Variants in TNKS2 observed in about 807,000 individuals in gnomAD.
The protein encoded by TNKS2 is poly [ADP-ribose] polymerase tankyrase-2.
Under a neutral mutation model 137.6 loss-of-function variants are expected in TNKS2, and 72 were observed. That is an observed-to-expected ratio of 0.52 (90% CI 0.43 to 0.64). The LOEUF is 0.64. Among genes scored for constraint, TNKS2 ranks in the 30% least tolerant of loss-of-function variants. The probability of loss-of-function intolerance (pLI) is 0.00; values close to 1 mark genes in which losing one functional copy is unlikely to be tolerated. For synonymous variants in TNKS2, 516 were observed against 512.1 expected, an observed-to-expected ratio of 1.01 and a Z score of -0.10; for missense variants, 1,049 against 1,410.2, an observed-to-expected ratio of 0.74 and a Z score of 4.10.
intron 1 of TNKS2, chr10:91,807,096 A>T (rs1224708848): frequency 2.7e-5 from 40 of 1,457,838 alleles, no homozygotes; most frequent in Non-Finnish European, 3.7e-5. Flanking sequence ...TAGTTACATA[A>T]AGTACTTTCT....
Position 91,833,816 on chromosome 10 carries a change from A to C in TNKS2, c.1276-37A>C, listed in dbSNP as rs200929816. 3.3e-6 allele frequency: 5 copies of C among 1,508,760 alleles called. No individual in the cohort carries two copies. In the Admixed American group the frequency reaches 1.1e-4, roughly 33 times the overall value. The allele number at this position is 1,508,760 out of a possible 1,614,324, so 93.5% of individuals were successfully genotyped here. A position where few individuals can be genotyped will look rare whatever the true frequency, so the allele number is the denominator to read the frequency against. ...ATGATTGTATGGTTTTAAATTTTGC[A>C]TTGCGGGCTAATTTCAATTTTTTCT... On this transcript the variant is annotated intron_variant, in intron 11 of 26. Coordinates refer to ENST00000371627, the MANE Select transcript of TNKS2 (RefSeq NM_025235.4).
At chr10:91,849,428 C>A (rs1842477605) in intron 19 of TNKS2, 84 bp from the exon 20 acceptor site, 2 of 1,019,150 alleles carry the variant, frequency 2.0e-6, no homozygotes, top group East Asian at 5.2e-5. Flanking sequence ...TATATAGTAA[C>A]ATTACAAGAC....
At chr10:91,813,274 C>G in intron 2 of TNKS2, 67 bp downstream of exon 2, 2 of 1,267,650 alleles carry the variant, frequency 1.6e-6, no homozygotes, top group Non-Finnish European at 2.2e-6. Context: ...CTGAATTAAT[C>G]TGTTCATATC....
chr10:91,833,316 T>C (rs1234861072), intron 11 of TNKS2, among the ~76,000 whole-genome samples: 2 of 152,214 alleles, frequency 1.3e-5, no homozygotes. Flanking sequence ...TCCCACATTG[T>C]ATAATGTTTT....
chr10:91,842,545 A>C (rs535808729), intron 16 of TNKS2, among the ~76,000 whole-genome samples, 154 bp downstream of exon 16: 1 of 152,288 alleles, frequency 6.6e-6, no homozygotes, highest in East Asian at 1.9e-4. Flanking sequence ...AGGCTAAGGC[A>C]GGAGGATTGC....
At chr10:91,820,640 T>C (rs1844856879) in intron 6 of TNKS2, among the ~76,000 whole-genome samples, 1 of 152,198 alleles carries the variant, frequency 6.6e-6, no homozygotes, top group African/African-American at 2.4e-5. Context: ...CACCCTGTGA[T>C]CTGAAACAAA....
Position 91,810,915 on chromosome 10 carries a change from CTTTTCTTTTTT to C in TNKS2, c.200-2063_200-2053del, listed in dbSNP as rs1380103252. On this transcript the variant is annotated intron_variant, in intron 1 of 26. Coordinates refer to ENST00000371627, the MANE Select transcript of TNKS2 (RefSeq NM_025235.4). ...CTTTTTTCTTTTCTTTCTCTCTTTT[CTTTTCTTTTTT>C]TTTTTTTTTTTTTTTTTGAGATGGA... Among the ~76,000 whole-genome samples the C allele has an allele frequency of 5.1e-4, 39 of 76,710 alleles. 1 individual carries two copies. In the East Asian group the frequency reaches 0.018, roughly 36 times the overall value. The allele number at this position is 76,710 out of a possible 152,430, so 50.3% of individuals were successfully genotyped here.
chr10:91,814,022 T>C (rs1417839193), intron 2 of TNKS2, among the ~76,000 whole-genome samples: 1 of 152,070 alleles, frequency 6.6e-6, no homozygotes. Flanking sequence ...GATTTTAGAG[T>C]ATACTCAGCA....
chr10:91,819,290 C>A lies in TNKS2; in HGVS notation c.541C>A (p.Leu181Ile). The change falls in exon 4 of 27, where the codon CTC (leucine) becomes ATC (isoleucine). Residue 181 changes from leucine to isoleucine, a missense_variant. Physicochemically the swap from Leu to Ile is conservative, Grantham distance 5 (BLOSUM62 2). Coordinates refer to ENST00000371627, the MANE Select transcript of TNKS2 (RefSeq NM_025235.4). The stretch of plus-strand genomic sequence containing the variant: ...CACAGGTGAATATAAGAAAGATGAA[C>A]TCTTAGAAAGTGCCAGGTACGTACT... ...VLTGEYKKDE[L>I]LESARSGNEE... 2.1e-6 allele frequency: 3 copies of A among 1,438,372 alleles called. No individual in the cohort carries two copies. The highest frequency in any genetic ancestry group is 1.8e-6 in the Non-Finnish European group (2 of 1,085,114). 89.1% of individuals were successfully genotyped at this position (1,438,372 alleles called of 1,614,324 possible). A position where few individuals can be genotyped will look rare whatever the true frequency, so the allele number is the denominator to read the frequency against.
chr10:91,801,583 C>G (rs891219073), intron 1 of TNKS2, among the ~76,000 whole-genome samples: 1 of 152,056 alleles, frequency 6.6e-6, no homozygotes, highest in African/African-American at 2.4e-5. Flanking sequence ...GACCGATTCT[C>G]CTGTCTCAGC....
At chr10:91,842,126 ACATT>A in intron 15 of TNKS2, 42 bp from the exon 16 acceptor site, 1 of 1,379,282 alleles carries the variant, frequency 7.3e-7, no homozygotes, top group South Asian at 1.2e-5. Flanking sequence ...GACCAAAGGC[ACATT>A]TAAGCCATTT....
chr10:91,856,111 T>A (rs958232578), intron 23 of TNKS2, among the ~76,000 whole-genome samples: 3 of 152,168 alleles, frequency 2.0e-5, no homozygotes, highest in Admixed American at 1.3e-4. Context: ...ATTATCTTTT[T>A]ATAAACTTTA....
chr10:91,860,075 C>T (rs1842814295), intron 25 of TNKS2, among the ~76,000 whole-genome samples: 1 of 152,096 alleles, frequency 6.6e-6, no homozygotes, highest in African/African-American at 2.4e-5. Context: ...GATCCTAATC[C>T]TCAATTTGCA....
At chr10:91,814,158 G>T (rs1844597104) in intron 2 of TNKS2, among the ~76,000 whole-genome samples, 1 of 152,106 alleles carries the variant, frequency 6.6e-6, no homozygotes, top group African/African-American at 2.4e-5. Context: ...CCTTCCAGTG[G>T]GAGAAGATAT....
At chr10:91,861,332 A>G (rs2133687357) in intron 25 of TNKS2, among the ~76,000 whole-genome samples, 1 of 152,362 alleles carries the variant, frequency 6.6e-6, no homozygotes, top group African/African-American at 2.4e-5. Context: ...CATAATGAAC[A>G]TAAAATGAGA....
At chr10:91,840,435 T>C (rs1842176030) in intron 13 of TNKS2, 126 bp from the exon 14 acceptor site, 1 of 814,244 alleles carries the variant, frequency 1.2e-6, no homozygotes, top group African/African-American at 1.7e-5. Flanking sequence ...AAATAGTTTC[T>C]GAGAATACTG....
At chr10:91,828,530 C>A in intron 9 of TNKS2, 124 bp downstream of exon 9, 5 of 1,040,222 alleles carry the variant, frequency 4.8e-6, no homozygotes, top group East Asian at 3.1e-5. Flanking sequence ...ACTGCCTATG[C>A]AAATATTTTT....
Position 91,800,020 on chromosome 10 carries a change from G to A in TNKS2, c.199+1131G>A, listed in dbSNP as rs138229810. On this transcript the variant is annotated intron_variant, in intron 1 of 26. Transcript: ENST00000371627. ...CTTTCTACCAATTGGAGATTTGTTC[G>A]CTTTAACCTGTTCCAGATTTTAAAT... Among the ~76,000 whole-genome samples the A allele has an allele frequency of 1.2e-4, 19 of 152,282 alleles. No individual in the cohort carries two copies. In the East Asian group the frequency reaches 2.9e-3, roughly 23 times the overall value.
chr10:91,811,064 A>G (rs1177411373), intron 1 of TNKS2, among the ~76,000 whole-genome samples: 1 of 149,950 alleles, frequency 6.7e-6, no homozygotes, highest in East Asian at 2.0e-4. Context: ...AGCTGGGATT[A>G]CAGGCACGCG....
Sources: gnomAD v4.1 joint callset for allele counts (sites outside exome capture counted in the v4.1 genomes callset) on GRCh38, gnomAD v4.1.1 for gene constraint, MANE v1.5 for transcripts, NCBI Gene and HGNC (gene_info 2026-07-23, HGNC 2026-07-21) for gene names.